Variants in ARHGAP20 observed in about 807,000 individuals in gnomAD.
ARHGAP20 encodes rho GTPase-activating protein 20.
ARHGAP20 carries 34 observed loss-of-function variants against 73.7 expected under a neutral mutation model. That is an observed-to-expected ratio of 0.46 (90% CI 0.35 to 0.61). ARHGAP20 has a LOEUF of 0.61. ARHGAP20 is among the 20% of genes least tolerant of loss of function. ARHGAP20 has a pLI of 0.00. For synonymous variants in ARHGAP20, 523 were observed against 518.2 expected (o/e 1.01, Z -0.13); for missense variants, 1,314 against 1,420.9 (o/e 0.92, Z 1.21).
rs551750947 is a variant in ARHGAP20, at chr11:110,620,374, CT to C, written c.503+3787del. ...CTATATTGACCAGTTTGGCCTCAAA[CT>C]CCCCCCCTCAAGTGATCCTCTCACC... On this transcript the variant is annotated intron_variant, in intron 4 of 14. Coordinates refer to ENST00000683387, the MANE Select transcript of ARHGAP20 (RefSeq NM_001384657.1). Among the ~76,000 whole-genome samples, 51 of 152,218 alleles carry C rather than the reference CT, an allele frequency of 3.4e-4. No individual in the cohort carries two copies. In the East Asian group the frequency reaches 9.4e-3, roughly 28 times the overall value.
chr11:110,698,428 G>T (rs563411356), intron 1 of ARHGAP20, among the ~76,000 whole-genome samples: 1 of 151,904 alleles, frequency 6.6e-6, no homozygotes, highest in East Asian at 1.9e-4. Context: ...GGAGATACTG[G>T]TTTCATAGAA....
intron 6 of ARHGAP20, among the ~76,000 whole-genome samples, chr11:110,612,166 C>A (rs905859075): frequency 4.6e-5 from 7 of 151,958 alleles, no homozygotes; most frequent in African/African-American, 1.7e-4. Context: ...TGCCTGTAAT[C>A]CTAGCACTTT....
intron 2 of ARHGAP20, among the ~76,000 whole-genome samples, chr11:110,661,041 A>C (rs893481339): frequency 6.6e-6 from 1 of 152,204 alleles, no homozygotes; most frequent in African/African-American, 2.4e-5. Flanking sequence ...AAACAAATAC[A>C]TCAGAAGACC....
chr11:110,592,076 G>A lies in ARHGAP20; in HGVS notation c.1044C>T (p.Asp348=). The change falls in exon 10 of 15, where the codon GAC becomes GAT. Residue 348 remains aspartate (D), a synonymous_variant. Coordinates refer to ENST00000683387, the MANE Select transcript of ARHGAP20 (RefSeq NM_001384657.1). ...AFWRGSSTHL[D]NLPSSPTSPM... is the part of the protein sequence containing the mutation. ...GTGATGTTGGCGATGAGGGCAAGTT[G>A]TCCAGGTGAGTGCTAGAACCTCGCC... 2 of 1,614,174 alleles carry A rather than the reference G, an allele frequency of 1.2e-6. No individual in the cohort carries two copies. The highest frequency in any genetic ancestry group is 1.7e-6 in the Non-Finnish European group (2 of 1,179,984).
intron 6 of ARHGAP20, among the ~76,000 whole-genome samples, chr11:110,612,473 G>T (rs1948392046): frequency 6.6e-6 from 1 of 151,342 alleles, no homozygotes; most frequent in East Asian, 1.9e-4. Context: ...GAGTTAACAA[G>T]ATTCTGAGAT....
intron 2 of ARHGAP20, among the ~76,000 whole-genome samples, chr11:110,689,111 G>A (rs1235674330): frequency 6.6e-6 from 1 of 150,718 alleles, no homozygotes; most frequent in Non-Finnish European, 1.5e-5. Context: ...CCATTCTCCT[G>A]CCTCAGCCTC....
chr11:110,606,764 A>T lies in ARHGAP20; in HGVS notation c.776-15T>A. 2.0e-6 allele frequency: 3 copies of T among 1,510,190 alleles called. No homozygotes were observed. Among genetic ancestry groups the T allele is most frequent in the Non-Finnish European group, 2.7e-6 (3 of 1,129,888 alleles). The allele number at this position is 1,510,190 out of a possible 1,614,324, so 93.5% of individuals were successfully genotyped here. A position where few individuals can be genotyped will look rare whatever the true frequency, so the allele number is the denominator to read the frequency against. On this transcript the variant is annotated splice_polypyrimidine_tract_variant and intron_variant, in intron 8 of 14. Transcript: ENST00000683387. ...ATATTCATGCCCTACACAGAGACAAATCTAAATGTAGACTTCAGGCTGACT... is the reference window on the plus strand; with the variant it reads ...ATATTCATGCCCTACACAGAGACAATTCTAAATGTAGACTTCAGGCTGACT...
chr11:110,645,628 C>T (rs942644107), intron 2 of ARHGAP20, among the ~76,000 whole-genome samples: 6 of 152,006 alleles, frequency 3.9e-5, no homozygotes, highest in African/African-American at 1.4e-4. Context: ...GGCATATACC[C>T]AAAGGAAAAG....
chr11:110,659,256 CT>C (rs1280625298), intron 2 of ARHGAP20, among the ~76,000 whole-genome samples: 6 of 138,838 alleles, frequency 4.3e-5, no homozygotes, highest in African/African-American at 1.6e-4. Flanking sequence ...GCCATTCTAA[CT>C]GGTGTGAGAT....
At chr11:110,692,228 G>GGTA (rs1424808481) in intron 1 of ARHGAP20, among the ~76,000 whole-genome samples, 1 of 152,148 alleles carries the variant, frequency 6.6e-6, no homozygotes, top group African/African-American at 2.4e-5. Flanking sequence ...TGGGAGATAA[G>GGTA]CATTTGTATT....
At chr11:110,687,912 A>C (rs1950167229) in intron 2 of ARHGAP20, among the ~76,000 whole-genome samples, 1 of 152,252 alleles carries the variant, frequency 6.6e-6, no homozygotes, top group South Asian at 2.1e-4. Flanking sequence ...AGCACAGAAA[A>C]ATGAAGCCCA....
intron 1 of ARHGAP20, among the ~76,000 whole-genome samples, chr11:110,709,197 G>C (rs1950602970): frequency 6.6e-6 from 1 of 152,098 alleles, no homozygotes; most frequent in Non-Finnish European, 1.5e-5. Context: ...TGTAACAAAG[G>C]GCCTACAAAC....
At chr11:110,581,721 A>T (rs1392484572) in intron 14 of ARHGAP20, among the ~76,000 whole-genome samples, 2 of 152,228 alleles carry the variant, frequency 1.3e-5, no homozygotes, top group Non-Finnish European at 2.9e-5. Context: ...CATTTTAGAG[A>T]TAAAGACAAT....
chr11:110,631,131 C>A (rs1319431505), intron 2 of ARHGAP20, among the ~76,000 whole-genome samples: 1 of 152,100 alleles, frequency 6.6e-6, no homozygotes, highest in Non-Finnish European at 1.5e-5. Flanking sequence ...CAGTACACAT[C>A]CCCCTGAATG....
rs962554560 is a variant in ARHGAP20 at position 110,579,134 on chromosome 11, C to G, written c.*236G>C. On this transcript the variant is annotated 3_prime_UTR_variant, in exon 15 of 15. Transcript: ENST00000683387. Reference sequence around the variant, plus strand: ...GTATCTCTAAAACCACATGACAGGACCAATCCCAACCTTTAATAAGAAAAA... The same window carrying G: ...GTATCTCTAAAACCACATGACAGGAGCAATCCCAACCTTTAATAAGAAAAA... 5 of 1,173,678 alleles carry G rather than the reference C, an allele frequency of 4.3e-6. No homozygotes were observed. Among genetic ancestry groups the G allele is most frequent in the Non-Finnish European group, 5.3e-6 (5 of 945,006 alleles). 72.7% of individuals were successfully genotyped at this position (1,173,678 alleles called of 1,614,324 possible).
At chr11:110,657,950 G>C (rs200472567) in intron 2 of ARHGAP20, among the ~76,000 whole-genome samples, 30 of 114,888 alleles carry the variant, frequency 2.6e-4, no homozygotes, top group African/African-American at 4.2e-4. Context: ...AAGGAAGGAA[G>C]GAAGGAAGGA....
At position 110,609,013 on chromosome 11, in the gene ARHGAP20, C is replaced by A. The variant is rs1383751738; in HGVS notation, c.746G>T (p.Gly249Val). 1 of 1,613,418 alleles carries A rather than the reference C, an allele frequency of 6.2e-7. No homozygotes were observed. Among genetic ancestry groups the A allele is most frequent in the African/African-American group, 1.3e-5 (1 of 74,864 alleles). ...ERDYQLWVNS[G>V]KEEAPYPLIG... ...GAGTGGGTATGGAGCCTCTTCTTTG[C>A]CAGAATTGACCCACAACTGGTAATC... The change falls in exon 8 of 15, where the codon GGC becomes GTC. Residue 249 changes from glycine (G) to valine (V), a missense_variant. This residue lies in a region of ARHGAP20 where 443 missense variants were observed against 466.4 expected (regional missense o/e 0.95). Coordinates refer to ENST00000683387, the MANE Select transcript of ARHGAP20 (RefSeq NM_001384657.1).
chr11:110,699,262 C>T (rs1399687679), intron 1 of ARHGAP20, among the ~76,000 whole-genome samples: 10 of 151,640 alleles, frequency 6.6e-5, no homozygotes, highest in African/African-American at 1.5e-4. Context: ...CACTGTGGTC[C>T]GAGAAGATAC....
chr11:110,577,715 G>T lies in ARHGAP20; in HGVS notation c.*1655C>A. ...CTCAGATGGCCAGTGTCACGAAGTA[G>T]CTCTTTGGATACAGAGTTCTAAAAG... On this transcript the variant is annotated 3_prime_UTR_variant, in exon 15 of 15. Transcript: ENST00000683387. 2.0e-6 allele frequency: 2 copies of T among 985,934 alleles called. No homozygotes were observed. Among genetic ancestry groups the T allele is most frequent in the Non-Finnish European group, 2.4e-6 (2 of 829,980 alleles). 61.1% of individuals were successfully genotyped at this position (985,934 alleles called of 1,614,324 possible).
Sources: gnomAD v4.1 joint callset for allele counts (sites outside exome capture counted in the v4.1 genomes callset) on GRCh38, gnomAD v4.1.1 for gene constraint, gnomAD v4.1.1 regional missense constraint, MANE v1.5 for transcripts, NCBI Gene and HGNC (gene_info 2026-07-23, HGNC 2026-07-21) for gene names.